ABCA1: variants seen among roughly 807,000 people sequenced by gnomAD.
ABCA1 encodes the protein phospholipid-transporting ATPase ABCA1.
In ABCA1, 133 loss-of-function variants were observed where a neutral mutation model predicts 262.5. The observed-to-expected ratio is 0.51, with a 90% CI of 0.44 to 0.59. The LOEUF (loss-of-function observed/expected upper bound fraction) is 0.59. ABCA1 is among the 20% of genes least tolerant of loss of function. The pLI, the probability that ABCA1 is intolerant of heterozygous loss-of-function variation, is 0.00. For missense variants in ABCA1, 2,452 were observed against 2,777.5 expected (o/e 0.88, Z 2.63); for synonymous variants, 1,022 against 1,043.5 (o/e 0.98, Z 0.40).
In ABCA1 at chr9:104,925,094, A is replaced by G. The variant is rs191660085; in HGVS notation, c.-93+2841T>C. Among the ~76,000 whole-genome samples, 6 of 152,296 alleles carry G rather than the reference A, an allele frequency of 3.9e-5. No individual in the cohort carries two copies. The East Asian group carries it at 9.7e-4, about 25-fold the overall frequency. On this transcript the variant is annotated intron_variant, in intron 1 of 49. Coordinates refer to ENST00000374736, the MANE Select transcript of ABCA1 (RefSeq NM_005502.4). The stretch of plus-strand genomic sequence containing the variant: ...ATATGTTCTAAGTCAAAATGTGTCC[A>G]GGGGTCGGGCGCGGTGCCTCACGCC...
intron 28 of ABCA1, 40 bp downstream of exon 28, chr9:104,812,534 C>T (rs1483683062): frequency 3.1e-6 from 5 of 1,613,544 alleles, no homozygotes; most frequent in Non-Finnish European, 4.2e-6. Flanking sequence ...TGCAGCCCAC[C>T]CATGAAGCCA....
rs541981905 is a variant in ABCA1 at position 104,906,363 on chromosome 9, G to C, written c.-92-2592C>G. Among the ~76,000 whole-genome samples the C allele has an allele frequency of 2.6e-5, 4 of 152,232 alleles. No individual in the cohort carries two copies. In the East Asian group the frequency reaches 7.7e-4, roughly 29 times the overall value. Reference sequence around the variant, plus strand: ...CTCTACACAACGTTCATGAGAAGAAGGGAAGGATGAGTTTTCTTGGACAGC... The same window carrying C: ...CTCTACACAACGTTCATGAGAAGAACGGAAGGATGAGTTTTCTTGGACAGC... On this transcript the variant is annotated intron_variant, in intron 1 of 49. Coordinates refer to ENST00000374736, the MANE Select transcript of ABCA1 (RefSeq NM_005502.4).
At chr9:104,836,823 G>A (rs535212228) in intron 11 of ABCA1, among the ~76,000 whole-genome samples, 157 bp downstream of exon 11, 3 of 152,310 alleles carry the variant, frequency 2.0e-5, no homozygotes, top group Admixed American at 6.5e-5. Context: ...CTGTACTTCT[G>A]GAGAGGTGGT....
intron 7 of ABCA1, among the ~76,000 whole-genome samples, chr9:104,848,854 C>T (rs189219373): frequency 2.0e-5 from 3 of 152,194 alleles, no homozygotes; most frequent in East Asian, 1.9e-4. Flanking sequence ...AGAGGCCACT[C>T]GGTTCACCTG....
intron 6 of ABCA1, among the ~76,000 whole-genome samples, chr9:104,859,379 C>T (rs939415167): frequency 6.6e-6 from 1 of 152,312 alleles, no homozygotes; most frequent in Non-Finnish European, 1.5e-5. Flanking sequence ...CTACTTCATA[C>T]GTGGTCCAGT....
In ABCA1 at chr9:104,783,973, C is replaced by A. The variant is rs146987516; in HGVS notation, c.*342G>T. ...TACTTGATGAATTATTGTTGCAACCCCAATGAGAATACACAGGAACAAAAA... is the reference window on the plus strand; with the variant it reads ...TACTTGATGAATTATTGTTGCAACCACAATGAGAATACACAGGAACAAAAA... On this transcript the variant is annotated 3_prime_UTR_variant, in exon 50 of 50. Coordinates refer to ENST00000374736, the MANE Select transcript of ABCA1 (RefSeq NM_005502.4). The A allele has an allele frequency of 7.5e-4, 162 of 216,780 alleles. 2 individuals carry two copies. The highest frequency in any genetic ancestry group is 6.2e-4 in the Non-Finnish European group (67 of 108,554). 13.4% of individuals were successfully genotyped at this position (216,780 alleles called of 1,614,324 possible).
At chr9:104,889,885 A>C (rs1267737483) in intron 2 of ABCA1, among the ~76,000 whole-genome samples, 1 of 152,238 alleles carries the variant, frequency 6.6e-6, no homozygotes, top group Non-Finnish European at 1.5e-5. Context: ...CCATCTGTCC[A>C]GGTCTGGTCA....
intron 9 of ABCA1, among the ~76,000 whole-genome samples, chr9:104,839,002 G>A (rs556998980): frequency 1.3e-5 from 2 of 152,030 alleles, no homozygotes; most frequent in Non-Finnish European, 2.9e-5. Flanking sequence ...GAGAAGAAAA[G>A]GTTCTTGTGT....
At position 104,902,786 on chromosome 9, in the gene ABCA1, G is replaced by T. The variant is rs145737575; in HGVS notation, c.66+828C>A. Among the ~76,000 whole-genome samples, 130 of 152,170 alleles carry T rather than the reference G, an allele frequency of 8.5e-4. 1 individual carries two copies. The East Asian group carries it at 0.021, about 24-fold the overall frequency. ...GTCCCTTATAGCCCTTTGAATCTCA[G>T]AAAGATGATCATTTTGATTACAGAC... On this transcript the variant is annotated intron_variant, in intron 2 of 49. Transcript: ENST00000374736.
Position 104,830,998 on chromosome 9 carries a change from C to A in ABCA1, c.1819G>T (p.Val607Leu), listed in dbSNP as rs1439999533. ...GTTTTCTTCTCGGTGCCCGTCAGCA[C>A]CCTGATGATTGCCTGCTCCACCACA... ...QDVVEQAIIR[V>L]LTGTEKKTGV... The change falls in exon 14 of 50, where the codon GTG (valine) becomes TTG (leucine). Residue 607 changes from valine to leucine, a missense_variant. By Grantham distance (32) the Val-to-Leu change is conservative. Coordinates refer to ENST00000374736, the MANE Select transcript of ABCA1 (RefSeq NM_005502.4). 1 of 1,613,984 alleles carries A rather than the reference C, an allele frequency of 6.2e-7. No homozygotes were observed. Among genetic ancestry groups the A allele is most frequent in the Admixed American group, 1.7e-5 (1 of 60,016 alleles).
chr9:104,816,875 G>C (rs1482241290), intron 24 of ABCA1, among the ~76,000 whole-genome samples: 1 of 152,200 alleles, frequency 6.6e-6, no homozygotes, highest in East Asian at 1.9e-4. Context: ...GGACTAGGCA[G>C]AGATAGCAAG....
intron 7 of ABCA1, among the ~76,000 whole-genome samples, chr9:104,852,294 T>C (rs1317167201): frequency 1.3e-5 from 2 of 152,220 alleles, no homozygotes. Context: ...TCTATGACAG[T>C]AAAGATTTCC....
At chr9:104,866,868 T>C (rs1322524648) in intron 5 of ABCA1, among the ~76,000 whole-genome samples, 1 of 152,196 alleles carries the variant, frequency 6.6e-6, no homozygotes, top group Non-Finnish European at 1.5e-5. Context: ...CATGTAAATA[T>C]CCTGCTCCCA....
chr9:104,785,168 T>A (rs1168589032), intron 49 of ABCA1, among the ~76,000 whole-genome samples: 4 of 152,192 alleles, frequency 2.6e-5, no homozygotes, highest in Admixed American at 6.5e-5. Flanking sequence ...AATGGTAGTT[T>A]TTATGGTTAT....
At chr9:104,869,338 G>A (rs1163925049) in intron 5 of ABCA1, among the ~76,000 whole-genome samples, 1 of 152,156 alleles carries the variant, frequency 6.6e-6, no homozygotes, top group African/African-American at 2.4e-5. Context: ...GGGCCTCCCA[G>A]CCTGCTAGGA....
intron 8 of ABCA1, among the ~76,000 whole-genome samples, chr9:104,842,742 TC>T (rs2063003807): frequency 6.6e-6 from 1 of 151,924 alleles, no homozygotes; most frequent in African/African-American, 2.4e-5. Flanking sequence ...GTCCTCCCTT[TC>T]CCCCATCCCA....
At chr9:104,798,369 A>G (rs1830071942) in intron 37 of ABCA1, 52 bp downstream of exon 37, 4 of 1,591,694 alleles carry the variant, frequency 2.5e-6, no homozygotes, top group Non-Finnish European at 3.4e-6. Context: ...TATCCATATC[A>G]ATCCATGGCC....
chr9:104,798,375 T>C lies in ABCA1; in HGVS notation c.5121+46A>G, dbSNP rs377499260. On this transcript the variant is annotated intron_variant, in intron 37 of 49. Transcript: ENST00000374736. ...TTTCTTTCTTATCCATATCAATCCA[T>C]GGCCCTGACAGACATCAGAAAGATA... 2.2e-5 allele frequency: 35 copies of C among 1,597,210 alleles called. No homozygotes were observed. In the African/African-American group the frequency reaches 4.2e-4, roughly 19 times the overall value.
intron 11 of ABCA1, among the ~76,000 whole-genome samples, chr9:104,833,915 T>A (rs1833572180): frequency 7.6e-6 from 1 of 131,820 alleles, no homozygotes; most frequent in African/African-American, 2.7e-5. Flanking sequence ...CCTGCACAGA[T>A]GTGCTGCCGG....
Sources: gnomAD v4.1 joint callset for allele counts (sites outside exome capture counted in the v4.1 genomes callset) on GRCh38, gnomAD v4.1.1 for gene constraint, MANE v1.5 for transcripts, NCBI Gene and HGNC (gene_info 2026-07-23, HGNC 2026-07-21) for gene names.